HS6ST3: variants seen among roughly 807,000 people sequenced by gnomAD.
The protein encoded by HS6ST3 is heparan-sulfate 6-O-sulfotransferase 3.
A neutral mutation model predicts 36.7 loss-of-function variants in HS6ST3; 12 were observed. The ratio of observed to expected loss-of-function variants is 0.33; its 90% CI spans 0.21 to 0.53. The LOEUF (loss-of-function observed/expected upper bound fraction) is 0.53. HS6ST3 is among the 20% of genes least tolerant of loss of function. The probability of loss-of-function intolerance (pLI) is 0.95; values close to 1 mark genes in which losing one functional copy is unlikely to be tolerated. For missense variants in HS6ST3, 584 were observed against 640.9 expected (o/e 0.91, Z 0.96); for synonymous variants, 240 against 257.5 (o/e 0.93, Z 0.65).
intron 1 of HS6ST3, among the ~76,000 whole-genome samples, chr13:96,625,840 C>CT (rs879864974): frequency 9.3e-4 from 132 of 141,684 alleles, no homozygotes; most frequent in Middle Eastern, 7.0e-3. Flanking sequence ...AATTCTTCTT[C>CT]TTTTTTTTTT....
At position 96,510,086 on chromosome 13, in the gene HS6ST3, T is replaced by TTTTTATTTTATTTTA. The variant is rs150117554; in HGVS notation, c.708-322360_708-322346dup. Among the ~76,000 whole-genome samples the TTTTTATTTTATTTTA allele has an allele frequency of 2.6e-3, 363 of 141,686 alleles. 1 individual carries two copies. Among genetic ancestry groups the TTTTTATTTTATTTTA allele is most frequent in the African/African-American group, 6.5e-3 (243 of 37,344 alleles). 93.0% of individuals were successfully genotyped at this position (141,686 alleles called of 152,430 possible). On this transcript the variant is annotated intron_variant, in intron 1 of 1. Transcript: ENST00000376705. The stretch of plus-strand genomic sequence containing the variant: ...CCTTAGTTAAGTATATTCCTAGGTA[T>TTTTTATTTTATTTTA]TTTTATTTTATTTTATTTTATTTTA...
chr13:96,310,612 CCTCCCTCCCTAT>C (rs1227490523), intron 1 of HS6ST3, among the ~76,000 whole-genome samples: 1 of 143,954 alleles, frequency 6.9e-6, no homozygotes, highest in Non-Finnish European at 1.5e-5. Flanking sequence ...TCCCTCCCTG[CCTCCCTCCCTAT>C]CTCCCTCCCT....
chr13:96,189,705 C>G (rs2054280105), intron 1 of HS6ST3, among the ~76,000 whole-genome samples: 1 of 152,146 alleles, frequency 6.6e-6, no homozygotes, highest in African/African-American at 2.4e-5. Context: ...GGCTTTTGCC[C>G]AGGCTGCGGG....
At chr13:96,221,492 T>G (rs2054455218) in intron 1 of HS6ST3, among the ~76,000 whole-genome samples, 1 of 152,160 alleles carries the variant, frequency 6.6e-6, no homozygotes, top group African/African-American at 2.4e-5. Context: ...TTTGAGTGAA[T>G]GTGATCTGAT....
At chr13:96,226,572 G>A (rs913967177) in intron 1 of HS6ST3, among the ~76,000 whole-genome samples, 3 of 152,128 alleles carry the variant, frequency 2.0e-5, no homozygotes, top group African/African-American at 7.2e-5. Flanking sequence ...AATATCTTTT[G>A]TTTTGGTGGT....
chr13:96,669,469 A>G (rs946670381), intron 1 of HS6ST3, among the ~76,000 whole-genome samples: 3 of 152,038 alleles, frequency 2.0e-5, no homozygotes, highest in African/African-American at 7.2e-5. Context: ...TCAATGGCCC[A>G]TTTTTCTAGC....
intron 1 of HS6ST3, among the ~76,000 whole-genome samples, chr13:96,304,681 T>TTCTC (rs1385035985): frequency 1.3e-5 from 1 of 75,936 alleles, no homozygotes; most frequent in East Asian, 3.5e-4. Context: ...TTGCATGTTT[T>TTCTC]TCTTTCTTTC....
At chr13:96,214,531 T>C (rs2054414615) in intron 1 of HS6ST3, among the ~76,000 whole-genome samples, 1 of 152,234 alleles carries the variant, frequency 6.6e-6, no homozygotes, top group Admixed American at 6.5e-5. Context: ...AAGCTACCTG[T>C]TCCCCAAACT....
intron 1 of HS6ST3, among the ~76,000 whole-genome samples, chr13:96,280,538 AT>A (rs1176427470): frequency 6.6e-6 from 1 of 152,096 alleles, no homozygotes; most frequent in Non-Finnish European, 1.5e-5. Flanking sequence ...AGAAAAGTAG[AT>A]TTTTTTCTAA....
rs546572526 is a variant in HS6ST3 at position 96,317,191 on chromosome 13, C to T, written c.707+225622C>T. Among the ~76,000 whole-genome samples, 11 of 151,266 alleles carry T rather than the reference C, an allele frequency of 7.3e-5. No individual in the cohort carries two copies. The East Asian group carries it at 1.6e-3, about 21-fold the overall frequency. ...TCCATGTGTATTCAATATTTAGCTC[C>T]CATTTATGAGTGAGAATATGCAATA... On this transcript the variant is annotated intron_variant, in intron 1 of 1. Transcript: ENST00000376705.
chr13:96,200,345 G>T (rs4771927), intron 1 of HS6ST3, among the ~76,000 whole-genome samples: 7,905 of 152,154 alleles, frequency 0.052, 311 homozygotes, highest in Admixed American at 0.13. Flanking sequence ...TTCTTGACTT[G>T]ATCATCTTTC....
intron 1 of HS6ST3, among the ~76,000 whole-genome samples, chr13:96,757,592 T>C (rs996672997): frequency 2.6e-5 from 4 of 152,206 alleles, no homozygotes; most frequent in African/African-American, 9.6e-5. Context: ...TCACCAAATA[T>C]GCTGGTAACG....
intron 1 of HS6ST3, among the ~76,000 whole-genome samples, chr13:96,820,334 T>A (rs1878504812): frequency 6.6e-6 from 1 of 152,234 alleles, no homozygotes; most frequent in Admixed American, 6.5e-5. Context: ...AATTTCACTC[T>A]ATTTGGACAG....
At chr13:96,394,434 T>C (rs2055410925) in intron 1 of HS6ST3, among the ~76,000 whole-genome samples, 1 of 152,168 alleles carries the variant, frequency 6.6e-6, no homozygotes, top group African/African-American at 2.4e-5. Context: ...TGTCCTCCCA[T>C]CCTCACTCCT....
chr13:96,620,726 G>C (rs1032448485), intron 1 of HS6ST3, among the ~76,000 whole-genome samples: 1 of 152,134 alleles, frequency 6.6e-6, no homozygotes, highest in Non-Finnish European at 1.5e-5. Context: ...TTGAAATCTT[G>C]TGTTTTATCT....
In HS6ST3 at chr13:96,744,010, T is replaced by G. The variant is rs11842793; in HGVS notation, c.708-88480T>G. Among the ~76,000 whole-genome samples the G allele has an allele frequency of 9.6e-3, 1,451 of 151,782 alleles. 20 individuals carry two copies. The highest frequency in any genetic ancestry group is 0.033 in the African/African-American group (1,368 of 41,400). On this transcript the variant is annotated intron_variant, in intron 1 of 1. Coordinates refer to ENST00000376705, the MANE Select transcript of HS6ST3 (RefSeq NM_153456.4). ...CTTGTTTCAATCTGCCCCAAACCTA[T>G]GCATGTGATTTTTTTATTTTAATTC...
chr13:96,163,219 T>C (rs950000794), intron 1 of HS6ST3, among the ~76,000 whole-genome samples: 2 of 143,576 alleles, frequency 1.4e-5, no homozygotes, highest in Admixed American at 7.2e-5. Flanking sequence ...AAGTCTGAGA[T>C]ACATTTTTTT....
chr13:96,825,606 A>G (rs1878631269), intron 1 of HS6ST3, among the ~76,000 whole-genome samples: 1 of 152,022 alleles, frequency 6.6e-6, no homozygotes, highest in African/African-American at 2.4e-5. Context: ...TTAGGTAGAG[A>G]TCTTTAATAC....
At chr13:96,422,007 C>A (rs2055564984) in intron 1 of HS6ST3, among the ~76,000 whole-genome samples, 1 of 152,196 alleles carries the variant, frequency 6.6e-6, no homozygotes, top group Non-Finnish European at 1.5e-5. Flanking sequence ...ATAATTATCA[C>A]CTCCTTCTGA....
Sources: gnomAD v4.1 joint callset for allele counts (sites outside exome capture counted in the v4.1 genomes callset) on GRCh38, gnomAD v4.1.1 for gene constraint, MANE v1.5 for transcripts, NCBI Gene and HGNC (gene_info 2026-07-23, HGNC 2026-07-21) for gene names.